The following ABLIM1 variants were observed in gnomAD, a reference collection of about 807,000 sequenced individuals.
The protein encoded by ABLIM1 is actin-binding LIM protein 1.
In ABLIM1, 40 loss-of-function variants were observed where a neutral mutation model predicts 107.0. The ratio of observed to expected loss-of-function variants is 0.37; its 90% CI spans 0.29 to 0.49. The LOEUF is 0.49. Among genes scored for constraint, ABLIM1 ranks in the 20% least tolerant of loss-of-function variants. ABLIM1 has a pLI of 0.97. For missense variants in ABLIM1, 857 were observed against 1,008.5 expected, an observed-to-expected ratio of 0.85 and a Z score of 2.04; for synonymous variants, 357 against 357.3, an observed-to-expected ratio of 1.00 and a Z score of 0.01.
chr10:114,633,657 C>G (rs1448551180), intron 1 of ABLIM1, among the ~76,000 whole-genome samples: 1 of 152,126 alleles, frequency 6.6e-6, no homozygotes, highest in Non-Finnish European at 1.5e-5. Context: ...TAAATATGAG[C>G]CAAGCACGAG....
chr10:114,718,062 A>AAGG (rs2081733250), intron 1 of ABLIM1, among the ~76,000 whole-genome samples: 1 of 47,470 alleles, frequency 2.1e-5, no homozygotes, highest in South Asian at 7.4e-4. Context: ...AGAAAGAAAG[A>AAGG]AAGGAAGAAA....
chr10:114,752,664 C>A (rs1377290905), intron 1 of ABLIM1, among the ~76,000 whole-genome samples: 1 of 152,162 alleles, frequency 6.6e-6, no homozygotes, highest in Non-Finnish European at 1.5e-5. Flanking sequence ...TTGTTCAGCT[C>A]CCACTTGTAA....
At position 114,441,601 on chromosome 10, in the gene ABLIM1, A is replaced by T. The variant is rs2060205185; in HGVS notation, c.1998+121T>A. 8 of 917,018 alleles carry T rather than the reference A, an allele frequency of 8.7e-6. No homozygotes were observed. The South Asian group carries it at 1.3e-4, about 15-fold the overall frequency. 56.8% of individuals were successfully genotyped at this position (917,018 alleles called of 1,614,324 possible). On this transcript the variant is annotated intron_variant, in intron 18 of 22. Coordinates refer to ENST00000533213, the MANE Select transcript of ABLIM1 (RefSeq NM_002313.7). ...TTACTAGGCAACCAGGGAGGTTAAA[A>T]TTTTCATTATGTTCCAACACTGAGA... is the stretch of plus-strand genomic sequence containing the variant.
At chr10:114,660,018 A>G (rs2141233724), upstream of ABLIM1, among the ~76,000 whole-genome samples, 1 of 152,330 alleles carries the variant, frequency 6.6e-6, no homozygotes, top group South Asian at 2.1e-4. Flanking sequence ...TTCTATGCCA[A>G]TGTGAAGCAC....
intron 2 of ABLIM1, among the ~76,000 whole-genome samples, chr10:114,576,215 G>T (rs1452442641): frequency 6.6e-6 from 1 of 152,210 alleles, no homozygotes; most frequent in Non-Finnish European, 1.5e-5. Context: ...TATTGTGTCT[G>T]GATTTTGGCA....
chr10:114,524,340 T>C (rs1007483567), intron 6 of ABLIM1, among the ~76,000 whole-genome samples: 2 of 152,196 alleles, frequency 1.3e-5, no homozygotes, highest in African/African-American at 4.8e-5. Context: ...AGAAAAATTT[T>C]AAACGGAAAA....
rs2062023890 is a variant in ABLIM1, at chr10:114,452,234, T to A, written c.1547-563A>T. On this transcript the variant is annotated intron_variant, in intron 13 of 22. Transcript: ENST00000533213. ...CCTAATTTATACAGGCCAAATTTTT[T>A]AAAAAAAGAATGAATGAAAAAGAAA... 2.6e-5 allele frequency among the ~76,000 whole-genome samples: 4 copies of A among 152,190 alleles called. No individual in the cohort carries two copies. In the South Asian group the frequency reaches 6.2e-4, roughly 24 times the overall value.
chr10:114,719,536 T>C (rs939662455), intron 1 of ABLIM1, among the ~76,000 whole-genome samples: 1 of 152,230 alleles, frequency 6.6e-6, no homozygotes, highest in Non-Finnish European at 1.5e-5. Context: ...TTGGGAAAGA[T>C]TCGTGACCTT....
At chr10:114,624,313 G>A (rs564594131) in intron 1 of ABLIM1, among the ~76,000 whole-genome samples, 1 of 152,314 alleles carries the variant, frequency 6.6e-6, no homozygotes, top group African/African-American at 2.4e-5. Context: ...CCCTAGGGCT[G>A]TGAATGCGAT....
intron 12 of ABLIM1, among the ~76,000 whole-genome samples, chr10:114,458,094 CTGTGTG>C (rs35469132): frequency 6.7e-5 from 10 of 149,486 alleles, no homozygotes; most frequent in South Asian, 4.3e-4. Flanking sequence ...CAAAACTACT[CTGTGTG>C]TGTGTGTGTG....
intron 21 of ABLIM1, among the ~76,000 whole-genome samples, chr10:114,438,954 G>C (rs1173202188): frequency 6.6e-6 from 1 of 152,236 alleles, no homozygotes; most frequent in East Asian, 1.9e-4. Context: ...GGCAGAGAGG[G>C]ACTGGCACCT....
In ABLIM1 at chr10:114,698,266, G is replaced by A. The variant is rs568439014; in HGVS notation, c.-213+69795C>T. On this transcript the variant is annotated intron_variant, in intron 1 of 15. Coordinates refer to the ABLIM1 transcript ENST00000651092. ...AAGCTAATCTGGGAAAAAATTAAAAGAGCAATCACAGAAAAAGAGAGTTTA... is the reference window on the plus strand; with the variant it reads ...AAGCTAATCTGGGAAAAAATTAAAAAAGCAATCACAGAAAAAGAGAGTTTA... 6.6e-5 allele frequency among the ~76,000 whole-genome samples: 10 copies of A among 151,690 alleles called. No individual in the cohort carries two copies. In the South Asian group the frequency reaches 1.9e-3, roughly 28 times the overall value.
intron 6 of ABLIM1, among the ~76,000 whole-genome samples, chr10:114,543,915 TGCAATCAGCTGC>T (rs1310118451): frequency 2.6e-5 from 4 of 152,198 alleles, no homozygotes; most frequent in African/African-American, 9.7e-5. Context: ...CTCTCCCAAA[TGCAATCAGCTGC>T]CCACGTCCCA....
chr10:114,453,293 G>A (rs184523504), intron 13 of ABLIM1, 86 bp downstream of exon 13: 1 of 1,397,440 alleles, frequency 7.2e-7, no homozygotes, highest in Non-Finnish European at 1.0e-6. Flanking sequence ...AATTAAAAGA[G>A]CATGAGAGAT....
In ABLIM1 at chr10:114,433,972, T is replaced by C. The variant is rs981854340; in HGVS notation, c.*2288A>G. On this transcript the variant is annotated 3_prime_UTR_variant, in exon 23 of 23. Coordinates refer to ENST00000533213, the MANE Select transcript of ABLIM1 (RefSeq NM_002313.7). The stretch of plus-strand genomic sequence containing the variant: ...GAAAAAAATCTCTCCACCAGCCAAG[T>C]GCTGGGACCCAGGTGGCCACCATTG... The C allele has an allele frequency of 6.6e-6, 1 of 152,206 alleles. No individual in the cohort carries two copies. Among genetic ancestry groups the C allele is most frequent in the African/African-American group, 2.4e-5 (1 of 41,456 alleles). The allele number at this position is 152,206 out of a possible 1,614,324, so 9.4% of individuals were successfully genotyped here. A position where few individuals can be genotyped will look rare whatever the true frequency, so the allele number is the denominator to read the frequency against.
At chr10:114,443,675 A>C (rs2091153569) in intron 17 of ABLIM1, among the ~76,000 whole-genome samples, 1 of 142,490 alleles carries the variant, frequency 7.0e-6, no homozygotes, top group African/African-American at 2.9e-5. Flanking sequence ...TGTTATCTAA[A>C]AAAAAAAAAA....
chr10:114,642,969 C>T (rs989810135), intron 1 of ABLIM1, among the ~76,000 whole-genome samples: 13 of 152,296 alleles, frequency 8.5e-5, no homozygotes, highest in African/African-American at 3.1e-4. Flanking sequence ...AAACTTACAC[C>T]TGCCAAAACG....
intron 1 of ABLIM1, among the ~76,000 whole-genome samples, chr10:114,723,145 A>T (rs11196891): frequency 2.0e-3 from 302 of 152,318 alleles, no homozygotes; most frequent in Non-Finnish European, 3.5e-3. Context: ...TTGCTTATTC[A>T]ATCCTTTCTA....
intron 1 of ABLIM1, among the ~76,000 whole-genome samples, chr10:114,655,984 G>A (rs943654423): frequency 6.6e-6 from 1 of 152,130 alleles, no homozygotes; most frequent in African/African-American, 2.4e-5. Flanking sequence ...AAAAAAGTCA[G>A]ATAAGGCCGG....
Sources: gnomAD v4.1 joint callset for allele counts (sites outside exome capture counted in the v4.1 genomes callset) on GRCh38, gnomAD v4.1.1 for gene constraint, MANE v1.5 for transcripts, NCBI Gene and HGNC (gene_info 2026-07-23, HGNC 2026-07-21) for gene names.